Variants in SGPP1 observed in about 807,000 individuals in gnomAD.
The protein encoded by SGPP1 is hSPP1.
SGPP1 carries 21 observed loss-of-function variants against 33.0 expected under a neutral mutation model. The ratio of observed to expected loss-of-function variants is 0.64; its 90% confidence interval spans 0.45 to 0.92. The LOEUF (loss-of-function observed/expected upper bound fraction) is 0.92. SGPP1 is among the 40% of genes least tolerant of loss of function. The probability of loss-of-function intolerance (pLI) is 0.00; values close to 1 mark genes in which losing one functional copy is unlikely to be tolerated. For missense variants in SGPP1, 543 were observed against 589.4 expected, an observed-to-expected ratio of 0.92 and a Z score of 0.81; for synonymous variants, 239 against 241.2, an observed-to-expected ratio of 0.99 and a Z score of 0.08.
intron 1 of SGPP1, among the ~76,000 whole-genome samples, chr14:63,722,361 G>GA (rs34786841): frequency 0.1 from 9,974 of 97,748 alleles, 1,007 homozygotes; most frequent in African/African-American, 0.27. Flanking sequence ...TGTCTCTATT[G>GA]AAAAAAAAAA....
At chr14:63,692,147 C>T (rs1885104276) in intron 2 of SGPP1, among the ~76,000 whole-genome samples, 1 of 152,200 alleles carries the variant, frequency 6.6e-6, no homozygotes, top group Admixed American at 6.5e-5. Flanking sequence ...CAATACTTTA[C>T]AATTATTGTC....
intron 2 of SGPP1, among the ~76,000 whole-genome samples, chr14:63,697,767 T>C (rs1028232058): frequency 6.6e-6 from 1 of 152,194 alleles, no homozygotes; most frequent in African/African-American, 2.4e-5. Context: ...GAAAGGGGCA[T>C]TCCAAGTAAA....
rs1415592539 is a variant in SGPP1, at chr14:63,686,135, A to C, written c.1296T>G (p.Pro432=). Residue 432 remains proline, a synonymous_variant, in exon 3 of 3, where the codon CCT becomes CCG. Transcript: ENST00000247225. ...AGATACCAATAAAGAAAAATATGTAAGGAACAAAAAATGTGATGGAGAAAC... is the reference window on the plus strand; with the variant it reads ...AGATACCAATAAAGAAAAATATGTACGGAACAAAAAATGTGATGGAGAAAC... ...MVGFSITFFV[P]YIFFFIGIS is the part of the protein sequence containing the mutation. 1.2e-6 allele frequency: 2 copies of C among 1,604,320 alleles called. No individual in the cohort carries two copies. Among genetic ancestry groups the C allele is most frequent in the Non-Finnish European group, 1.7e-6 (2 of 1,174,918 alleles).
At chr14:63,691,225 A>G (rs548591039) in intron 2 of SGPP1, among the ~76,000 whole-genome samples, 1 of 152,358 alleles carries the variant, frequency 6.6e-6, no homozygotes, top group Non-Finnish European at 1.5e-5. Flanking sequence ...AAAGGCTGAG[A>G]GGTGATCAAT....
At position 63,686,311 on chromosome 14, in the gene SGPP1, C is replaced by G; in HGVS notation, c.1120G>C (p.Val374Leu). The G allele has an allele frequency of 6.2e-7, 1 of 1,614,060 alleles. No homozygotes were observed. Among genetic ancestry groups the G allele is most frequent in the Non-Finnish European group, 8.5e-7 (1 of 1,179,970 alleles). The part of the protein sequence containing the change: ...KAILRILIGM[V>L]FVLIIRDVMK... ...ACATCTCTGATTATTAGTACAAATA[C>G]CATCCCTATGAGGATCCGCAATATG... Residue 374 changes from valine to leucine, a missense_variant, in exon 3 of 3, where the codon GTA (valine) becomes CTA (leucine). Transcript: ENST00000247225.
At chr14:63,688,315 CAAAAAAAAAAAAAA>C (rs71120275) in intron 2 of SGPP1, among the ~76,000 whole-genome samples, 28 of 31,432 alleles carry the variant, frequency 8.9e-4, no homozygotes, top group Middle Eastern at 0.019. Context: ...GACTCTGTCT[CAAAAAAAAAAAAAA>C]AAAAAAAAAA....
intron 2 of SGPP1, 72 bp from the exon 3 acceptor site, chr14:63,686,728 T>C: frequency 9.0e-7 from 1 of 1,113,600 alleles, no homozygotes; most frequent in Non-Finnish European, 1.2e-6. Context: ...ATAATTTATA[T>C]TTGACATTTC....
intron 1 of SGPP1, among the ~76,000 whole-genome samples, chr14:63,706,148 CATT>C (rs1361857195): frequency 1.3e-5 from 2 of 152,188 alleles, no homozygotes; most frequent in Non-Finnish European, 2.9e-5. Flanking sequence ...ACTTAAAAAA[CATT>C]ATGTTAAGTG....
At chr14:63,717,830 T>G (rs2139651897) in intron 1 of SGPP1, among the ~76,000 whole-genome samples, 1 of 151,936 alleles carries the variant, frequency 6.6e-6, no homozygotes, top group Admixed American at 6.6e-5. Context: ...AAAGAGAAAA[T>G]TTTAAAACCA....
intron 2 of SGPP1, among the ~76,000 whole-genome samples, chr14:63,694,512 C>T (rs933195170): frequency 3.3e-5 from 5 of 151,994 alleles, no homozygotes; most frequent in African/African-American, 1.2e-4. Context: ...TAGATTGCTA[C>T]GAAACTAGAC....
chr14:63,717,322 T>C (rs1885653818), intron 1 of SGPP1, among the ~76,000 whole-genome samples: 1 of 151,374 alleles, frequency 6.6e-6, no homozygotes, highest in Non-Finnish European at 1.5e-5. Context: ...TTTCTCTTTT[T>C]TTTTTTTTTT....
At chr14:63,718,951 A>T in intron 1 of SGPP1, among the ~76,000 whole-genome samples, 1 of 134,648 alleles carries the variant, frequency 7.4e-6, no homozygotes, top group South Asian at 2.4e-4. Flanking sequence ...AAATTAGGAT[A>T]GTAAAAATTC....
At chr14:63,717,991 AT>A (rs1361918771) in intron 1 of SGPP1, among the ~76,000 whole-genome samples, 1 of 152,202 alleles carries the variant, frequency 6.6e-6, no homozygotes, top group Non-Finnish European at 1.5e-5. Flanking sequence ...TACAACTGTA[AT>A]CCCAACACTT....
intron 1 of SGPP1, among the ~76,000 whole-genome samples, chr14:63,705,000 G>A: frequency 6.6e-6 from 1 of 151,784 alleles, no homozygotes; most frequent in Non-Finnish European, 1.5e-5. Context: ...GGTGATGTGT[G>A]CCTGTAGTCC....
intron 1 of SGPP1, among the ~76,000 whole-genome samples, chr14:63,713,035 C>A (rs1410469893): frequency 6.6e-6 from 1 of 152,144 alleles, no homozygotes; most frequent in African/African-American, 2.4e-5. Context: ...TACAGACCTG[C>A]ACCACTGTGC....
At chr14:63,698,312 A>T (rs999318682) in intron 2 of SGPP1, among the ~76,000 whole-genome samples, 2 of 152,158 alleles carry the variant, frequency 1.3e-5, no homozygotes, top group Non-Finnish European at 2.9e-5. Flanking sequence ...TAAAAGGGAG[A>T]CTGGAAGGAG....
chr14:63,706,492 C>T (rs1566821748), intron 1 of SGPP1, among the ~76,000 whole-genome samples: 2 of 152,230 alleles, frequency 1.3e-5, no homozygotes, highest in East Asian at 3.8e-4. Context: ...ACTTCTACCT[C>T]TACCATTATT....
At chr14:63,720,628 T>C (rs1474121256) in intron 1 of SGPP1, among the ~76,000 whole-genome samples, 1 of 151,742 alleles carries the variant, frequency 6.6e-6, no homozygotes, top group East Asian at 2.0e-4. Context: ...GGCGTGATGG[T>C]GGACGCCTGT....
At chr14:63,691,113 TA>T (rs1302610788) in intron 2 of SGPP1, among the ~76,000 whole-genome samples, 13 of 152,390 alleles carry the variant, frequency 8.5e-5, no homozygotes, top group Non-Finnish European at 1.2e-4. Context: ...CTTAAAATTA[TA>T]ATTGTATTCT....
Sources: gnomAD v4.1 joint callset for allele counts (sites outside exome capture counted in the v4.1 genomes callset) on GRCh38, gnomAD v4.1.1 for gene constraint, MANE v1.5 for transcripts, NCBI Gene and HGNC (gene_info 2026-07-23, HGNC 2026-07-21) for gene names.